Variants in WNK3 observed in about 807,000 individuals in gnomAD.
The protein encoded by WNK3 is serine/threonine-protein kinase WNK3.
In WNK3, 18 loss-of-function variants were observed where a neutral mutation model predicts 116.7. The ratio of observed to expected loss-of-function variants is 0.15; its 90% CI spans 0.11 to 0.23. The LOEUF is 0.23. WNK3 is among the 10% of genes least tolerant of loss of function. The probability of loss-of-function intolerance (pLI) is 1.00; values close to 1 mark genes in which losing one functional copy is unlikely to be tolerated. For missense variants in WNK3, 993 were observed against 1,323.8 expected (o/e 0.75, Z 3.88); for synonymous variants, 404 against 469.4 (o/e 0.86, Z 1.80).
At chrX:54,213,970 AT>A (rs1299740670) in intron 22 of WNK3, among the ~76,000 whole-genome samples, 11 of 110,765 alleles carry the variant, frequency 9.9e-5, no homozygotes, top group African/African-American at 3.0e-4. Flanking sequence ...AGTTTGATTT[AT>A]TTTTGAAAAA....
At chrX:54,241,660 T>A (rs2068022406) in intron 17 of WNK3, among the ~76,000 whole-genome samples, 1 of 111,198 alleles carries the variant, frequency 9.0e-6, no homozygotes, top group Non-Finnish European at 1.9e-5. Flanking sequence ...AAAGCATAAG[T>A]TTATAGATAA....
At chrX:54,278,017 C>G (rs782535008) in intron 10 of WNK3, among the ~76,000 whole-genome samples, 2 of 107,724 alleles carry the variant, frequency 1.9e-5, no homozygotes, top group African/African-American at 6.8e-5. Context: ...TTGCTCGAGC[C>G]TGGGAAGCAG....
chrX:54,204,193 CACT>C (rs1291275498), intron 22 of WNK3, among the ~76,000 whole-genome samples: 1 of 110,971 alleles, frequency 9.0e-6, no homozygotes, highest in East Asian at 2.8e-4. Flanking sequence ...GATCTTGGCT[CACT>C]ACAACCTCTG....
chrX:54,249,947 TCC>T, intron 16 of WNK3, 45 bp downstream of exon 16: 1 of 1,156,160 alleles, frequency 8.6e-7, no homozygotes, highest in Non-Finnish European at 1.1e-6. Flanking sequence ...GTATTTTGCA[TCC>T]CATCCTTTGA....
chrX:54,302,963 G>A (rs2068784439), intron 5 of WNK3, among the ~76,000 whole-genome samples: 2 of 77,719 alleles, frequency 2.6e-5, no homozygotes, highest in South Asian at 7.0e-4. Context: ...GTAGAGACAA[G>A]GTCTTGCTAT....
chrX:54,353,497 G>T (rs996827488), intron 1 of WNK3, among the ~76,000 whole-genome samples: 3 of 109,916 alleles, frequency 2.7e-5, no homozygotes, highest in Admixed American at 9.9e-5. Context: ...GGTTAAAATG[G>T]TAAGTTTGTA....
intron 10 of WNK3, 100 bp from the exon 11 acceptor site, chrX:54,259,438 C>A: frequency 2.5e-6 from 1 of 405,954 alleles, no homozygotes; most frequent in South Asian, 7.9e-5. Context: ...TTTTGGTTAC[C>A]TTGCAAACCT....
intron 1 of WNK3, among the ~76,000 whole-genome samples, chrX:54,343,243 T>C (rs1557176768): frequency 9.0e-6 from 1 of 110,706 alleles, no homozygotes; most frequent in African/African-American, 3.3e-5. Flanking sequence ...GCGCGGTGGC[T>C]CATGCCTGTA....
At chrX:54,206,636 G>A (rs1402246860) in intron 22 of WNK3, among the ~76,000 whole-genome samples, 1 of 111,546 alleles carries the variant, frequency 9.0e-6, no homozygotes, top group Non-Finnish European at 1.9e-5. Flanking sequence ...CATTCTATAA[G>A]CTCTTAATTA....
intron 22 of WNK3, among the ~76,000 whole-genome samples, chrX:54,212,002 G>A (rs1374399109): frequency 9.0e-6 from 1 of 111,270 alleles, no homozygotes; most frequent in Non-Finnish European, 1.9e-5. Context: ...TGAGGCGGGC[G>A]GATCATGAGG....
intron 21 of WNK3, among the ~76,000 whole-genome samples, chrX:54,230,913 G>A (rs1213364702): frequency 1.8e-5 from 2 of 112,499 alleles, no homozygotes; most frequent in South Asian, 7.4e-4. Context: ...AGAAACAGGT[G>A]GACACCTGAC....
At chrX:54,341,495 G>A (rs1421322755) in intron 1 of WNK3, among the ~76,000 whole-genome samples, 4 of 110,965 alleles carry the variant, frequency 3.6e-5, no homozygotes, top group Non-Finnish European at 7.5e-5. Flanking sequence ...TGAGGTGGGA[G>A]GATCACTTGA....
intron 10 of WNK3, among the ~76,000 whole-genome samples, chrX:54,275,645 AGAG>A (rs782078542): frequency 2.7e-5 from 3 of 110,660 alleles, no homozygotes; most frequent in Non-Finnish European, 5.7e-5. Context: ...GGAGAAACAT[AGAG>A]AAGAAACAAA....
chrX:54,196,818 T>A (rs1313767898), exon 24 of WNK3: 1 of 111,642 alleles, frequency 9.0e-6, no homozygotes, highest in East Asian at 2.8e-4. Flanking sequence ...CCTCCCCTCC[T>A]CCTAAAACTG....
intron 10 of WNK3, among the ~76,000 whole-genome samples, chrX:54,283,492 G>A (rs1557163166): frequency 2.7e-5 from 3 of 110,350 alleles, no homozygotes; most frequent in African/African-American, 9.9e-5. Flanking sequence ...CAGATGGGCT[G>A]GGTGCAGTGG....
chrX:54,292,926 C>A (rs199655322), exon 10 of WNK3: 1 of 1,208,520 alleles, frequency 8.3e-7, no homozygotes, highest in East Asian at 3.0e-5. Context: ...AATGGGGAAA[C>A]CTGGGGTTGT....
chrX:54,240,305 A>C (rs2068009241), intron 17 of WNK3, among the ~76,000 whole-genome samples: 1 of 99,018 alleles, frequency 1.0e-5, no homozygotes, highest in African/African-American at 4.0e-5. Context: ...CTCTTGTTTC[A>C]AAAAAAAAAA....
exon 21 of WNK3, chrX:54,232,918 A>G (rs1557149316): frequency 8.3e-7 from 1 of 1,209,071 alleles, no homozygotes; most frequent in African/African-American, 1.8e-5. Context: ...AAGGAATCTC[A>G]GTAGATTGGG....
chrX:54,238,387 A>T lies in WNK3; in HGVS notation c.3969T>A (p.Asn1323Lys), dbSNP rs200922004. 307 of 1,210,005 alleles carry T rather than the reference A, an allele frequency of 2.5e-4. 1 individual carries two copies. The East Asian group carries it at 9.0e-3, about 35-fold the overall frequency. ...ATGATCCACTCATCGCTTTACATCT[A>T]TTCAAAGCCCTAGTATCAGCTGTGG... is the stretch of plus-strand genomic sequence containing the variant. Residue 1323 changes from asparagine (N) to lysine (K), a missense_variant, in exon 19 of 24, where the codon AAT becomes AAA. Transcript: ENST00000354646.
Sources: gnomAD v4.1 joint callset for allele counts (sites outside exome capture counted in the v4.1 genomes callset) on GRCh38, gnomAD v4.1.1 for gene constraint, MANE v1.5 for transcripts, NCBI Gene and HGNC (gene_info 2026-07-23, HGNC 2026-07-21) for gene names.